The following NPIPB15 variants were observed in gnomAD, a reference collection of about 807,000 sequenced individuals.
The protein encoded by NPIPB15 is nuclear pore complex-interacting protein family member B15.
In NPIPB15, 5 loss-of-function variants were observed where a neutral mutation model predicts 35.9. The observed-to-expected ratio is 0.14, with a 90% CI of 0.07 to 0.29. The LOEUF (loss-of-function observed/expected upper bound fraction) is 0.29, where lower values mean the gene tolerates loss of function less well. NPIPB15 is among the 10% of genes least tolerant of loss of function. The pLI, the probability that NPIPB15 is intolerant of heterozygous loss-of-function variation, is 1.00. For synonymous variants in NPIPB15, 43 were observed against 182.0 expected, an observed-to-expected ratio of 0.24 and a Z score of 6.15; for missense variants, 100 against 506.1, an observed-to-expected ratio of 0.20 and a Z score of 7.70.
intron 3 of NPIPB15, among the ~76,000 whole-genome samples, chr16:74,384,699 A>G (rs1334869645): frequency 8.5e-4 from 12 of 14,158 alleles, no homozygotes; most frequent in South Asian, 2.1e-3. Flanking sequence ...TTTTTTTTTG[A>G]GACAGAGTTT....
rs1228715811 is a variant in NPIPB15, at chr16:74,390,441, C to G, written c.642+411C>G. ...GATTACACGTGATGGGACTTGTGCA[C>G]TTGAAGTGAAACACAGTTTTAAAAC... On this transcript the variant is annotated intron_variant, in intron 7 of 7. Transcript: ENST00000692376. 10 of 410,170 alleles carry G rather than the reference C, an allele frequency of 2.4e-5. 2 individuals are homozygous for G. In the African/African-American group the frequency reaches 5.1e-4, roughly 21 times the overall value. 25.4% of individuals were successfully genotyped at this position (410,170 alleles called of 1,614,324 possible).
At chr16:74,386,448 A>C (rs2012286854) in intron 5 of NPIPB15, among the ~76,000 whole-genome samples, 1 of 116,452 alleles carries the variant, frequency 8.6e-6, no homozygotes, top group African/African-American at 3.6e-5. Context: ...GTGCCACCAC[A>C]TTCGGCCAAT....
chr16:74,380,180 C>T (rs989033853), intron 2 of NPIPB15, among the ~76,000 whole-genome samples: 1 of 151,638 alleles, frequency 6.6e-6, no homozygotes, highest in African/African-American at 2.4e-5. Flanking sequence ...GAGGCCGAGG[C>T]AGGTGGATCA....
chr16:74,380,837 C>G (rs1383430688), intron 2 of NPIPB15, among the ~76,000 whole-genome samples: 1 of 149,832 alleles, frequency 6.7e-6, no homozygotes, highest in Non-Finnish European at 1.5e-5. Flanking sequence ...AACAAAACAC[C>G]AAACAAAAAC....
At chr16:74,382,887 T>C (rs1808423) in intron 3 of NPIPB15, among the ~76,000 whole-genome samples, 1 of 151,466 alleles carries the variant, frequency 6.6e-6, no homozygotes, top group Non-Finnish European at 1.5e-5. Context: ...AGAGAATTTT[T>C]GGTATAAATT....
At chr16:74,383,079 T>C (rs558330752) in intron 3 of NPIPB15, among the ~76,000 whole-genome samples, 1 of 144,056 alleles carries the variant, frequency 6.9e-6, no homozygotes, top group African/African-American at 2.6e-5. Flanking sequence ...CCCACCACCA[T>C]GCCCAGCAAA....
At position 74,381,640 on chromosome 16, in the gene NPIPB15, T is replaced by G; in HGVS notation, c.191T>G (p.Ile64Ser). The G allele has an allele frequency of 6.3e-7, 1 of 1,584,298 alleles. No individual in the cohort carries two copies. The highest frequency in any genetic ancestry group is 1.1e-5 in the South Asian group (1 of 89,338). ...AAATTGGATAATTTGATAATTATCA[T>G]TATTGGGTTTCTGAGACGTGACACA... is the stretch of plus-strand genomic sequence containing the variant. ...PQKLDNLIII[I>S]IGFLRRDTFT... Residue 64 changes from isoleucine (I) to serine (S), a missense_variant, in exon 3 of 8, where the codon ATT becomes AGT. Ile to Ser is a moderately radical substitution (Grantham distance 142, BLOSUM62 -2). Transcript: ENST00000692376.
chr16:74,384,761 A>C (rs1375888773), intron 3 of NPIPB15, among the ~76,000 whole-genome samples: 1 of 138,852 alleles, frequency 7.2e-6, no homozygotes, highest in Non-Finnish European at 1.5e-5. Context: ...AGCTCACCAC[A>C]ACCTTTTCCT....
intron 2 of NPIPB15, among the ~76,000 whole-genome samples, chr16:74,378,772 G>A (rs1182592964): frequency 3.3e-4 from 50 of 150,928 alleles, no homozygotes; most frequent in Middle Eastern, 6.8e-3. Context: ...AGCATAAACC[G>A]ACCCCCTTTC....
rs533487541 is a variant in NPIPB15, at chr16:74,389,253, A to G, written c.546-572A>G. On this transcript the variant is annotated intron_variant, in intron 5 of 7. Coordinates refer to ENST00000692376, the MANE Select transcript of NPIPB15 (RefSeq NM_001306094.2). ...TATGATAAAAGATGCTCAATGAAGG[A>G]TGAATTAGGGATATACTGAGAATGG... Among the ~76,000 whole-genome samples, 34 of 149,612 alleles carry G rather than the reference A, an allele frequency of 2.3e-4. No homozygotes were observed. In the South Asian group the frequency reaches 7.3e-3, roughly 32 times the overall value.
intron 5 of NPIPB15, among the ~76,000 whole-genome samples, chr16:74,387,378 C>T (rs1177688247): frequency 1.3e-5 from 2 of 149,352 alleles, no homozygotes; most frequent in African/African-American, 5.0e-5. Flanking sequence ...GCGAGGCTGA[C>T]TTTCGTCCTG....
chr16:74,382,852 T>A (rs2012064996), intron 3 of NPIPB15, among the ~76,000 whole-genome samples: 1 of 152,006 alleles, frequency 6.6e-6, no homozygotes, highest in African/African-American at 2.4e-5. Flanking sequence ...ACATTTAACA[T>A]TCTCTATGCC....
intron 2 of NPIPB15, among the ~76,000 whole-genome samples, chr16:74,379,967 T>G (rs2011897053): frequency 6.6e-6 from 1 of 151,660 alleles, no homozygotes; most frequent in African/African-American, 2.4e-5. Flanking sequence ...TTTTTTTTTT[T>G]TTTTACTTAT....
intron 3 of NPIPB15, among the ~76,000 whole-genome samples, chr16:74,383,908 C>T (rs75822280): frequency 6.6e-6 from 1 of 151,158 alleles, no homozygotes; most frequent in Admixed American, 6.7e-5. Flanking sequence ...AGTGACACTC[C>T]ATCTCAAGAA....
chr16:74,379,069 G>T (rs2142651330), intron 2 of NPIPB15, among the ~76,000 whole-genome samples: 1 of 152,310 alleles, frequency 6.6e-6, no homozygotes, highest in Non-Finnish European at 1.5e-5. Context: ...CAAAGTGTTG[G>T]GATTACAGGC....
At chr16:74,389,618 C>T (rs1187573522) in intron 5 of NPIPB15, among the ~76,000 whole-genome samples, 15 of 96,108 alleles carry the variant, frequency 1.6e-4, no homozygotes, top group Non-Finnish European at 2.7e-4. Flanking sequence ...GTGATCCATC[C>T]GCCTCGCCCT....
At chr16:74,386,574 T>TCA (rs2012295129) in intron 5 of NPIPB15, among the ~76,000 whole-genome samples, 1 of 138,424 alleles carries the variant, frequency 7.2e-6, no homozygotes, top group Non-Finnish European at 1.5e-5. Flanking sequence ...TTCTTATCCC[T>TCA]CAGCCTCTTG....
At position 74,391,407 on chromosome 16, in the gene NPIPB15, C is replaced by T. The variant is rs376409342; in HGVS notation, c.659C>T (p.Ala220Val). The T allele has an allele frequency of 2.2e-4, 358 of 1,605,754 alleles. No homozygotes were observed. The highest frequency in any genetic ancestry group is 1.8e-3 in the Middle Eastern group (10 of 5,458). ...PLCNWVRMAA[A>V]EHRHSSGLPC... ...GCCCTACAGGTCAGAATGGCGGCAG[C>T]GGAGCATCGTCATTCTTCAGGATTG... The change falls in exon 8 of 8, where the codon GCG becomes GTG. Residue 220 changes from alanine to valine, a missense_variant. Transcript: ENST00000692376.
intron 2 of NPIPB15, 88 bp downstream of exon 2, chr16:74,378,127 C>G (rs1174975000): frequency 6.6e-7 from 1 of 1,511,838 alleles, no homozygotes; most frequent in Admixed American, 2.1e-5. Flanking sequence ...GCCTGTAATC[C>G]CAGCACTTTA....
Sources: allele counts gnomAD v4.1 joint callset (sites outside exome capture counted in the v4.1 genomes callset), GRCh38; gene constraint gnomAD v4.1.1; transcripts MANE v1.5; gene names NCBI Gene and HGNC (gene_info 2026-07-23, HGNC 2026-07-21).